Variants in DDX50 observed in about 807,000 individuals in gnomAD.
DDX50 encodes the protein DExD-box helicase 50.
DDX50 carries 56 observed loss-of-function variants against 94.8 expected under a neutral mutation model. That is an observed-to-expected ratio of 0.59 (90% CI 0.48 to 0.74). The LOEUF (loss-of-function observed/expected upper bound fraction) is 0.74, where lower values mean the gene tolerates loss of function less well. Among genes scored for constraint, DDX50 ranks in the 30% least tolerant of loss-of-function variants. The probability of loss-of-function intolerance (pLI) is 0.00; values close to 1 mark genes in which losing one functional copy is unlikely to be tolerated. For synonymous variants in DDX50, 264 were observed against 295.4 expected (o/e 0.89, Z 1.09); for missense variants, 713 against 881.2 (o/e 0.81, Z 2.42).
chr10:68,935,253 A>G (rs1842376425), intron 10 of DDX50, among the ~76,000 whole-genome samples: 1 of 152,234 alleles, frequency 6.6e-6, no homozygotes, highest in Non-Finnish European at 1.5e-5. Context: ...TAAGTATGGT[A>G]CAATAGACAG....
chr10:68,945,329 A>G (rs1187363289), intron 14 of DDX50, among the ~76,000 whole-genome samples: 1 of 151,350 alleles, frequency 6.6e-6, no homozygotes, highest in Non-Finnish European at 1.5e-5. Flanking sequence ...TTTCTTTGAG[A>G]CAAGAGTCAC....
chr10:68,910,679 G>C (rs546595995), intron 3 of DDX50, among the ~76,000 whole-genome samples: 79 of 152,284 alleles, frequency 5.2e-4, no homozygotes, highest in Admixed American at 5.2e-3. Context: ...GGGATTACAG[G>C]CGTGAGCCAC....
chr10:68,937,187 GA>G (rs1001020817), intron 12 of DDX50, 92 bp downstream of exon 12: 3 of 1,319,498 alleles, frequency 2.3e-6, no homozygotes, highest in Middle Eastern at 2.7e-4. Flanking sequence ...TTTTTGTGCA[GA>G]AAAAAACTGT....
chr10:68,934,456 TC>T lies in DDX50; in HGVS notation c.1401+97del. The T allele has an allele frequency of 1.3e-6, 2 of 1,532,820 alleles. No individual in the cohort carries two copies. Among genetic ancestry groups the T allele is most frequent in the Non-Finnish European group, 1.8e-6 (2 of 1,131,752 alleles). 95.0% of individuals were successfully genotyped at this position (1,532,820 alleles called of 1,614,324 possible). ...TGCTTGGGATGTGAAAAATATGTCA[TC>T]TCTTCTTGCTCTTAGCCATTTTTTG... On this transcript the variant is annotated intron_variant, in intron 9 of 14. Coordinates refer to ENST00000373585, the MANE Select transcript of DDX50 (RefSeq NM_024045.2). The surrounding 1 kb of genome is among the most constrained non-coding windows in gnomAD (Gnocchi z 4.0).
chr10:68,912,322 TCTTC>T (rs1841649274), intron 4 of DDX50, among the ~76,000 whole-genome samples: 1 of 152,104 alleles, frequency 6.6e-6, no homozygotes, highest in Non-Finnish European at 1.5e-5. Context: ...AGCAATTCTC[TCTTC>T]CTCTCAGTCT....
At chr10:68,902,150 G>C (rs541682448) in intron 1 of DDX50, among the ~76,000 whole-genome samples, 1 of 136,264 alleles carries the variant, frequency 7.3e-6, no homozygotes, top group Non-Finnish European at 1.5e-5. Flanking sequence ...GGAGCCTGTA[G>C]AGGAGTTGTA....
intron 4 of DDX50, among the ~76,000 whole-genome samples, chr10:68,911,923 G>C (rs1319278458): frequency 6.6e-6 from 1 of 152,106 alleles, no homozygotes; most frequent in African/African-American, 2.4e-5. Flanking sequence ...TGCACTTAAG[G>C]TTTGTAAAAG....
chr10:68,920,039 A>G, intron 8 of DDX50, 58 bp downstream of exon 8: 1 of 1,599,484 alleles, frequency 6.3e-7, no homozygotes, highest in Non-Finnish European at 8.6e-7. Flanking sequence ...TCACTGAACG[A>G]AAATTATATT....
chr10:68,939,783 C>G (rs767494132), intron 12 of DDX50, among the ~76,000 whole-genome samples: 8 of 152,122 alleles, frequency 5.3e-5, no homozygotes, highest in African/African-American at 1.4e-4. Context: ...CTGCTTTATT[C>G]CTGTTCGTGA....
intron 6 of DDX50, 97 bp downstream of exon 6, chr10:68,913,673 C>A: frequency 1.6e-6 from 2 of 1,219,034 alleles, no homozygotes; most frequent in Non-Finnish European, 2.2e-6. Flanking sequence ...GTGTCCCCTG[C>A]GTTCTAACAA....
At chr10:68,913,668 C>T in intron 6 of DDX50, 92 bp downstream of exon 6, 2 of 1,259,920 alleles carry the variant, frequency 1.6e-6, no homozygotes, top group South Asian at 1.6e-5. Flanking sequence ...TTGCAGTGTC[C>T]CCTGCGTTCT....
intron 13 of DDX50, among the ~76,000 whole-genome samples, chr10:68,942,692 C>G (rs1261393529): frequency 6.6e-6 from 1 of 151,886 alleles, no homozygotes; most frequent in African/African-American, 2.4e-5. Context: ...TAGCTCACTG[C>G]CACCTCCGCC....
chr10:68,902,775 C>T (rs1316109851), intron 1 of DDX50, among the ~76,000 whole-genome samples: 1 of 152,168 alleles, frequency 6.6e-6, no homozygotes, highest in Non-Finnish European at 1.5e-5. Context: ...CAATCCTGTC[C>T]AGCGGTCAAG....
chr10:68,934,727 A>G lies in DDX50; in HGVS notation c.1402-72A>G. On this transcript the variant is annotated intron_variant, in intron 9 of 14. Transcript: ENST00000373585. This position sits in a 1 kb window ranked among gnomAD's most constrained non-coding sequence, Gnocchi z 4.0. ...TTGAAATAAATATATTATTATTAACATTATTATTTGGATTCCGGAATGACT... is the reference window on the plus strand; with the variant it reads ...TTGAAATAAATATATTATTATTAACGTTATTATTTGGATTCCGGAATGACT... 1 of 1,435,308 alleles carries G rather than the reference A, an allele frequency of 7.0e-7. No individual in the cohort carries two copies. 88.9% of individuals were successfully genotyped at this position (1,435,308 alleles called of 1,614,324 possible). A position where few individuals can be genotyped will look rare whatever the true frequency, so the allele number is the denominator to read the frequency against.
chr10:68,927,735 G>A (rs576275263), intron 8 of DDX50, among the ~76,000 whole-genome samples: 1 of 152,330 alleles, frequency 6.6e-6, no homozygotes, highest in South Asian at 2.1e-4. Context: ...AAGATTGCTT[G>A]AGCCCAGGAA....
chr10:68,911,120 A>G lies in DDX50; in HGVS notation c.513A>G (p.Val171=), dbSNP rs113058356. The G allele has an allele frequency of 4.8e-4, 778 of 1,610,596 alleles. 1 individual carries two copies. In the African/African-American group the frequency reaches 8.0e-3, roughly 17 times the overall value. ...TTCAAGTTAAGACCTTTGGTCCTGT[A>G]TATGAAGGAAAAGATTTAATAGCTC... ...FPIQVKTFGP[V]YEGKDLIAQA... is the part of the protein sequence containing the mutation. The change falls in exon 4 of 15, where the codon GTA becomes GTG. Residue 171 remains valine, a synonymous_variant. Coordinates refer to ENST00000373585, the MANE Select transcript of DDX50 (RefSeq NM_024045.2).
At chr10:68,945,304 A>G (rs1219621830) in intron 14 of DDX50, among the ~76,000 whole-genome samples, 5 of 128,694 alleles carry the variant, frequency 3.9e-5, no homozygotes. Context: ...TGTCTTAATA[A>G]CAACATTTTT....
intron 14 of DDX50, among the ~76,000 whole-genome samples, chr10:68,945,162 A>G: frequency 6.6e-6 from 1 of 152,090 alleles, no homozygotes; most frequent in East Asian, 1.9e-4. Flanking sequence ...TTTAAATGTG[A>G]TTGCTTGGCC....
In DDX50 at chr10:68,910,294, T is replaced by G; in HGVS notation, c.385-13T>G. On this transcript the variant is annotated splice_polypyrimidine_tract_variant and intron_variant, in intron 2 of 14. Transcript: ENST00000373585. ...AGTATAAATTATTTAGGCCATTGATTTCATTTTTACAGACCTTAACACGTG... is the reference window on the plus strand; with the variant it reads ...AGTATAAATTATTTAGGCCATTGATGTCATTTTTACAGACCTTAACACGTG... 10 of 1,586,160 alleles carry G rather than the reference T, an allele frequency of 6.3e-6. No homozygotes were observed. The highest frequency in any genetic ancestry group is 8.5e-6 in the Non-Finnish European group (10 of 1,169,726).
Sources: allele counts gnomAD v4.1 joint callset (sites outside exome capture counted in the v4.1 genomes callset), GRCh38; gene constraint gnomAD v4.1.1; non-coding constraint Gnocchi (gnomAD v3.1); transcripts MANE v1.5; gene names NCBI Gene and HGNC (gene_info 2026-07-23, HGNC 2026-07-21).